RIMS1: variants seen among roughly 807,000 people sequenced by gnomAD.
The protein encoded by RIMS1 is regulating synaptic membrane exocytosis protein 1.
In RIMS1, 83 loss-of-function variants were observed where a neutral mutation model predicts 214.1. The ratio of observed to expected loss-of-function variants is 0.39; its 90% CI spans 0.32 to 0.47. The LOEUF is 0.47. RIMS1 is among the 20% of genes least tolerant of loss of function. RIMS1 has a pLI of 0.99. For missense variants in RIMS1, 2,050 were observed against 2,161.8 expected, an observed-to-expected ratio of 0.95 and a Z score of 1.03; for synonymous variants, 793 against 786.8, an observed-to-expected ratio of 1.01 and a Z score of -0.13.
chr6:71,899,047 G>A (rs910687304), intron 1 of RIMS1, among the ~76,000 whole-genome samples: 1 of 151,844 alleles, frequency 6.6e-6, no homozygotes, highest in African/African-American at 2.4e-5. Context: ...TAATATATAA[G>A]TAAATTATTG....
intron 27 of RIMS1, among the ~76,000 whole-genome samples, chr6:72,310,498 A>G (rs375738755): frequency 6.6e-6 from 1 of 152,058 alleles, no homozygotes; most frequent in Non-Finnish European, 1.5e-5. Context: ...CTCACAATTT[A>G]AAGAATGTTT....
chr6:72,037,026 G>C (rs1416767491), intron 2 of RIMS1, among the ~76,000 whole-genome samples: 3 of 151,870 alleles, frequency 2.0e-5, no homozygotes, highest in Non-Finnish European at 4.4e-5. Context: ...AAATGATGAA[G>C]TTCTTTCCAG....
At chr6:72,247,833 T>C (rs2070917892) in intron 11 of RIMS1, among the ~76,000 whole-genome samples, 182 bp from the exon 12 acceptor site, 1 of 152,130 alleles carries the variant, frequency 6.6e-6, no homozygotes, top group Non-Finnish European at 1.5e-5. Flanking sequence ...AGCATAATAC[T>C]TCGTTATATC....
intron 29 of RIMS1, among the ~76,000 whole-genome samples, chr6:72,358,243 A>G (rs2097710567): frequency 6.6e-6 from 1 of 152,212 alleles, no homozygotes; most frequent in Non-Finnish European, 1.5e-5. Flanking sequence ...ATTAAAGACT[A>G]TGGCCAGGAG....
At chr6:72,290,905 G>A (rs772992643) in intron 25 of RIMS1, 44 bp downstream of exon 25, 2 of 1,585,582 alleles carry the variant, frequency 1.3e-6, no homozygotes, top group African/African-American at 1.3e-5. Flanking sequence ...CCTGCCTCCG[G>A]GTGTTGGTGT....
chr6:72,178,567 G>C (rs985173216), intron 4 of RIMS1, among the ~76,000 whole-genome samples: 1 of 152,188 alleles, frequency 6.6e-6, no homozygotes, highest in Non-Finnish European at 1.5e-5. Context: ...AGTTTCTGAA[G>C]TAGAAACAAA....
At chr6:72,099,639 T>C (rs2033032259) in intron 3 of RIMS1, among the ~76,000 whole-genome samples, 2 of 152,136 alleles carry the variant, frequency 1.3e-5, no homozygotes, top group Admixed American at 1.3e-4. Context: ...CAATAATAGG[T>C]AGACTACATG....
At chr6:72,233,650 C>T in intron 6 of RIMS1, 123 bp from the exon 7 acceptor site, 1 of 737,050 alleles carries the variant, frequency 1.4e-6, no homozygotes, top group Admixed American at 2.0e-5. Flanking sequence ...GTGCATCATT[C>T]TGCGATGTAC....
chr6:72,112,817 T>C (rs2036373618), intron 4 of RIMS1, among the ~76,000 whole-genome samples: 1 of 152,306 alleles, frequency 6.6e-6, no homozygotes, highest in South Asian at 2.1e-4. Flanking sequence ...TACCTCTTTC[T>C]TTTCTCATTG....
chr6:72,148,430 G>A (rs367651157), intron 4 of RIMS1, among the ~76,000 whole-genome samples: 62 of 152,228 alleles, frequency 4.1e-4, no homozygotes, highest in African/African-American at 1.4e-3. Flanking sequence ...TTATATCCTC[G>A]AGTCCTGGTG....
chr6:72,252,065 G>A (rs1400205583), intron 15 of RIMS1, among the ~76,000 whole-genome samples: 1 of 152,128 alleles, frequency 6.6e-6, no homozygotes, highest in Non-Finnish European at 1.5e-5. Context: ...TAAAATATTA[G>A]AAGGTATGTT....
intron 16 of RIMS1, among the ~76,000 whole-genome samples, chr6:72,254,096 C>T (rs2074707725): frequency 6.6e-6 from 1 of 152,136 alleles, no homozygotes. Context: ...GTTCTCTTGA[C>T]CTCATGATCC....
At chr6:72,108,410 G>T (rs1332078391) in intron 4 of RIMS1, among the ~76,000 whole-genome samples, 1 of 152,022 alleles carries the variant, frequency 6.6e-6, no homozygotes, top group Non-Finnish European at 1.5e-5. Context: ...GTTTTTAATT[G>T]TTACTCTTTG....
chr6:72,336,011 A>C (rs1330860466), intron 29 of RIMS1, among the ~76,000 whole-genome samples: 1 of 151,682 alleles, frequency 6.6e-6, no homozygotes, highest in East Asian at 1.9e-4. Context: ...TATTGAAGTA[A>C]TTCTTTACAG....
At chr6:72,151,236 G>T (rs1168017655) in intron 4 of RIMS1, among the ~76,000 whole-genome samples, 1 of 151,926 alleles carries the variant, frequency 6.6e-6, no homozygotes, top group African/African-American at 2.4e-5. Flanking sequence ...TAGAGACGGG[G>T]TTTCACCGTG....
intron 26 of RIMS1, among the ~76,000 whole-genome samples, chr6:72,296,671 G>C (rs2094125323): frequency 6.6e-6 from 1 of 151,578 alleles, no homozygotes; most frequent in Admixed American, 6.6e-5. Context: ...AATGTGATAA[G>C]GTTAATTATA....
At chr6:71,920,591 C>T (rs1779679708) in intron 1 of RIMS1, among the ~76,000 whole-genome samples, 1 of 152,096 alleles carries the variant, frequency 6.6e-6, no homozygotes, top group East Asian at 1.9e-4. Context: ...AGTGGGTACT[C>T]TGTTTATGAG....
intron 31 of RIMS1, among the ~76,000 whole-genome samples, chr6:72,396,296 G>A (rs1026993102): frequency 6.6e-6 from 1 of 152,098 alleles, no homozygotes; most frequent in African/African-American, 2.4e-5. Flanking sequence ...ATGTGTGTGT[G>A]TATTTGTGTA....
At position 72,263,284 on chromosome 6, in the gene RIMS1, G is replaced by A. The variant is rs564595831; in HGVS notation, c.3117-1691G>A. 7.3e-5 allele frequency: 72 copies of A among 984,870 alleles called. No individual in the cohort carries two copies. In the South Asian group the frequency reaches 1.1e-3, roughly 15 times the overall value. 61.0% of individuals were successfully genotyped at this position (984,870 alleles called of 1,614,324 possible). ...TTTCCCAACCTTTTTTTAGTAAAAC[G>A]TGTCTCGAGGAAGTGGTAGTATAGA... On this transcript the variant is annotated intron_variant, in intron 19 of 33. Transcript: ENST00000521978.
Sources: gnomAD v4.1 joint callset for allele counts (sites outside exome capture counted in the v4.1 genomes callset) on GRCh38, gnomAD v4.1.1 for gene constraint, MANE v1.5 for transcripts, NCBI Gene and HGNC (gene_info 2026-07-23, HGNC 2026-07-21) for gene names.